Variants in PCDH15 observed in about 807,000 individuals in gnomAD.
PCDH15 encodes the protein protocadherin-15.
A neutral mutation model predicts 178.5 loss-of-function variants in PCDH15; 129 were observed. That is an observed-to-expected ratio of 0.72 (90% CI 0.63 to 0.84). The LOEUF (loss-of-function observed/expected upper bound fraction) is 0.84. PCDH15 is among the 40% of genes least tolerant of loss of function. PCDH15 has a pLI of 0.00. For missense variants in PCDH15, 2,230 were observed against 2,099.9 expected (o/e 1.06, Z -1.21); for synonymous variants, 800 against 732.0 (o/e 1.09, Z -1.50).
chr10:53,948,730 T>C (rs1388733141), intron 23 of PCDH15, among the ~76,000 whole-genome samples: 1 of 152,178 alleles, frequency 6.6e-6, no homozygotes, highest in Admixed American at 6.5e-5. Flanking sequence ...ATATGTCATT[T>C]GCCTGTTTAA....
At chr10:54,634,207 A>G (rs563553086) in intron 2 of PCDH15, among the ~76,000 whole-genome samples, 9 of 148,918 alleles carry the variant, frequency 6.0e-5, no homozygotes, top group Non-Finnish European at 9.1e-5. Flanking sequence ...CTATACTTGT[A>G]TCAGGAGCAC....
chr10:54,679,234 G>A (rs2094855218), intron 1 of PCDH15, among the ~76,000 whole-genome samples: 1 of 149,210 alleles, frequency 6.7e-6, no homozygotes, highest in Non-Finnish European at 1.5e-5. Flanking sequence ...AATAATATAT[G>A]TGATATAGTA....
intron 3 of PCDH15, among the ~76,000 whole-genome samples, chr10:54,413,124 T>A (rs895531596): frequency 6.6e-6 from 1 of 152,196 alleles, no homozygotes; most frequent in African/African-American, 2.4e-5. Context: ...CATAGTATTG[T>A]ATTCTAGTTG....
At chr10:54,930,745 T>A (rs1837752022) in intron 2 of PCDH15, among the ~76,000 whole-genome samples, 1 of 152,196 alleles carries the variant, frequency 6.6e-6, no homozygotes, top group Non-Finnish European at 1.5e-5. Flanking sequence ...CTAAGATTTC[T>A]GAGGTCCTAG....
At chr10:53,828,207 C>CAAAAAAAAAAAAAAAAAAA (rs71004480) in intron 31 of PCDH15, among the ~76,000 whole-genome samples, 9 of 53,774 alleles carry the variant, frequency 1.7e-4, no homozygotes, top group African/African-American at 6.5e-4. Context: ...AAGTCCGTCT[C>CAAAAAAAAAAAAAAAAAAA]AAAAAAAAAA....
chr10:55,139,102 T>A (rs556303983), intron 2 of PCDH15, among the ~76,000 whole-genome samples: 1 of 152,090 alleles, frequency 6.6e-6, no homozygotes, highest in African/African-American at 2.4e-5. Flanking sequence ...CAAGTTCTTA[T>A]CTGCCATATT....
chr10:54,846,576 T>C (rs1174190266), intron 3 of PCDH15, among the ~76,000 whole-genome samples: 2 of 152,164 alleles, frequency 1.3e-5, no homozygotes, highest in Non-Finnish European at 2.9e-5. Flanking sequence ...AACATCCTTT[T>C]TAACGTATGA....
At chr10:54,418,146 A>C (rs1452702750) in intron 3 of PCDH15, among the ~76,000 whole-genome samples, 1 of 152,072 alleles carries the variant, frequency 6.6e-6, no homozygotes, top group Non-Finnish European at 1.5e-5. Flanking sequence ...AGGGAAAATC[A>C]GGATAATATT....
intron 2 of PCDH15, among the ~76,000 whole-genome samples, chr10:55,400,415 C>A (rs529620589): frequency 1.3e-5 from 2 of 152,126 alleles, no homozygotes; most frequent in Admixed American, 6.6e-5. Flanking sequence ...TATCACACCA[C>A]GTAACCTAGC....
intron 25 of PCDH15, among the ~76,000 whole-genome samples, chr10:53,930,670 G>A (rs1325181972): frequency 6.6e-6 from 1 of 152,020 alleles, no homozygotes; most frequent in Non-Finnish European, 1.5e-5. Flanking sequence ...AAAAGTTTCA[G>A]TTATTTGAAA....
intron 3 of PCDH15, among the ~76,000 whole-genome samples, chr10:54,480,830 G>A (rs951599734): frequency 7.2e-5 from 11 of 151,892 alleles, no homozygotes; most frequent in African/African-American, 2.7e-4. Flanking sequence ...GAAGACAAGT[G>A]TTCCTTTTTT....
rs531683515 is a variant in PCDH15 at position 53,806,540 on chromosome 10, G to A, written c.*39C>T. 254 of 1,443,914 alleles carry A rather than the reference G, an allele frequency of 1.8e-4. 1 individual carries two copies. Among genetic ancestry groups the A allele is most frequent in the Admixed American group, 1.3e-3 (57 of 44,566 alleles). 89.4% of individuals were successfully genotyped at this position (1,443,914 alleles called of 1,614,324 possible). On this transcript the variant is annotated 3_prime_UTR_variant, in exon 38 of 38. Coordinates refer to ENST00000644397, the MANE Select transcript of PCDH15 (RefSeq NM_001384140.1). ...ATAAAAAGCACAGTTTATTAAAAAT[G>A]TAAGTAAAAATTAATTAAAATATCT... is the stretch of plus-strand genomic sequence containing the variant.
chr10:54,951,441 T>C (rs1838334767), intron 2 of PCDH15, among the ~76,000 whole-genome samples: 1 of 151,906 alleles, frequency 6.6e-6, no homozygotes, highest in African/African-American at 2.4e-5. Context: ...TTTATGGATA[T>C]AACACCATTT....
chr10:54,506,339 T>G (rs961987096), intron 3 of PCDH15, among the ~76,000 whole-genome samples: 1 of 152,078 alleles, frequency 6.6e-6, no homozygotes, highest in African/African-American at 2.4e-5. Flanking sequence ...AAAAGTACTC[T>G]ACCTAATATA....
At chr10:55,228,365 T>C (rs1841114050) in intron 1 of PCDH15, among the ~76,000 whole-genome samples, 1 of 151,942 alleles carries the variant, frequency 6.6e-6, no homozygotes, top group African/African-American at 2.4e-5. Context: ...AAAAAAAAAT[T>C]GTGTGAGCTA....
intron 1 of PCDH15, among the ~76,000 whole-genome samples, chr10:54,747,540 A>G (rs1388217620): frequency 2.0e-5 from 3 of 152,210 alleles, no homozygotes; most frequent in African/African-American, 7.2e-5. Context: ...CAGTTTTATA[A>G]TAGAGGAAAA....
Position 54,099,138 on chromosome 10 carries a change from G to A in PCDH15, c.1918-9075C>T, listed in dbSNP as rs537919592. ...AGTTATCCGGACACAGGCAAACAGT[G>A]AATGAAATCAGTACACAGTGAATGG... is the stretch of plus-strand genomic sequence containing the variant. On this transcript the variant is annotated intron_variant, in intron 15 of 37. Coordinates refer to ENST00000644397, the MANE Select transcript of PCDH15 (RefSeq NM_001384140.1). Among the ~76,000 whole-genome samples the A allele has an allele frequency of 1.9e-3, 289 of 152,196 alleles. 2 individuals are homozygous for A. Among genetic ancestry groups the A allele is most frequent in the African/African-American group, 6.3e-3 (261 of 41,526 alleles).
chr10:54,410,114 C>A (rs1196501508), intron 3 of PCDH15, among the ~76,000 whole-genome samples: 1 of 152,102 alleles, frequency 6.6e-6, no homozygotes, highest in African/African-American at 2.4e-5. Flanking sequence ...AAAATAGAAT[C>A]TAGACAAAAT....
intron 3 of PCDH15, among the ~76,000 whole-genome samples, chr10:54,882,764 C>T (rs1241089599): frequency 6.6e-6 from 1 of 151,996 alleles, no homozygotes; most frequent in South Asian, 2.1e-4. Flanking sequence ...ATAGACATGT[C>T]TTCTTGCTAA....
Sources: gnomAD v4.1 joint callset for allele counts (sites outside exome capture counted in the v4.1 genomes callset) on GRCh38, gnomAD v4.1.1 for gene constraint, MANE v1.5 for transcripts, NCBI Gene and HGNC (gene_info 2026-07-23, HGNC 2026-07-21) for gene names.